DIP2C: variants seen among roughly 807,000 people sequenced by gnomAD.
DIP2C encodes the protein disco-interacting protein 2 homolog C.
Under a neutral mutation model 192.4 loss-of-function variants are expected in DIP2C, and 33 were observed. That is an observed-to-expected ratio of 0.17 (90% CI 0.13 to 0.23). The LOEUF (loss-of-function observed/expected upper bound fraction) is 0.23, where lower values mean the gene tolerates loss of function less well. DIP2C is among the 10% of genes least tolerant of loss of function. The pLI is 1.00. For synonymous variants in DIP2C, 979 were observed against 864.1 expected, an observed-to-expected ratio of 1.13 and a Z score of -2.33; for missense variants, 1,537 against 2,110.1, an observed-to-expected ratio of 0.73 and a Z score of 5.32.
At position 384,019 on chromosome 10, in the gene DIP2C, T is replaced by TCA; in HGVS notation, c.1876+6_1876+7dup. 1 of 1,542,530 alleles carries TCA rather than the reference T, an allele frequency of 6.5e-7. No homozygotes were observed. ...CCTGCCTCACGAGATCACACGCTCC[T>TCA]CACTTACAGGGGTTCGCGCCGTCCG... On this transcript the variant is annotated splice_region_variant and intron_variant, in intron 16 of 36. Coordinates refer to ENST00000280886, the MANE Select transcript of DIP2C (RefSeq NM_014974.3).
At chr10:584,992 CAGAT>C (rs1162235545) in intron 1 of DIP2C, among the ~76,000 whole-genome samples, 13 of 143,280 alleles carry the variant, frequency 9.1e-5, no homozygotes, top group Middle Eastern at 3.8e-3. Flanking sequence ...CATCACCTCT[CAGAT>C]AATCTCGGGG....
intron 4 of DIP2C, chr10:437,992 C>T (rs1389127008): frequency 6.6e-6 from 1 of 152,110 alleles, no homozygotes; most frequent in African/African-American, 2.4e-5. Flanking sequence ...CACAAAATAG[C>T]TGGGAGTAAA....
chr10:556,613 C>CA (rs990837106), intron 1 of DIP2C, among the ~76,000 whole-genome samples: 3 of 151,730 alleles, frequency 2.0e-5, no homozygotes, highest in African/African-American at 7.3e-5. Flanking sequence ...ACACATGAAA[C>CA]AAACCCCTTT....
chr10:335,564 T>G (rs1331169822), intron 29 of DIP2C, among the ~76,000 whole-genome samples: 1 of 152,248 alleles, frequency 6.6e-6, no homozygotes, highest in African/African-American at 2.4e-5. Flanking sequence ...GACACCAGGC[T>G]TTGGGAAGAT....
At chr10:654,529 T>C (rs952239958) in intron 1 of DIP2C, among the ~76,000 whole-genome samples, 4 of 152,242 alleles carry the variant, frequency 2.6e-5, no homozygotes, top group Non-Finnish European at 4.4e-5. Context: ...GGCTCTGCCA[T>C]GTGCCAGGCA....
intron 17 of DIP2C, among the ~76,000 whole-genome samples, chr10:371,879 G>A (rs549728506): frequency 1.3e-5 from 2 of 152,190 alleles, no homozygotes; most frequent in Non-Finnish European, 2.9e-5. Flanking sequence ...TTTGTTACGA[G>A]AGCCGGAATA....
chr10:490,628 T>C (rs1297344884), intron 1 of DIP2C, among the ~76,000 whole-genome samples: 1 of 152,238 alleles, frequency 6.6e-6, no homozygotes, highest in East Asian at 1.9e-4. Flanking sequence ...AACAGCATAT[T>C]TTCCTGCTTC....
chr10:593,175 A>G (rs1486752827), intron 1 of DIP2C, among the ~76,000 whole-genome samples: 3 of 151,740 alleles, frequency 2.0e-5, no homozygotes, highest in Non-Finnish European at 4.4e-5. Flanking sequence ...TGCAGGACCA[A>G]CCCCAGGACA....
rs377481170 is a variant in DIP2C at position 525,473 on chromosome 10, G to A, written c.86-38943C>T. Among the ~76,000 whole-genome samples, 23 of 152,252 alleles carry A rather than the reference G, an allele frequency of 1.5e-4. 2 individuals carry two copies. The highest frequency in any genetic ancestry group is 5.2e-4 in the Admixed American group (8 of 15,294). On this transcript the variant is annotated intron_variant, in intron 1 of 36. Transcript: ENST00000280886. ...TTAGTAAAACAACAGCAAAGTCTAC[G>A]GCACTTCTCATACAGAACAAATACA...
At position 356,027 on chromosome 10, in the gene DIP2C, C is replaced by T. The variant is rs902068467; in HGVS notation, c.2985+399G>A. Among the ~76,000 whole-genome samples, 5 of 152,288 alleles carry T rather than the reference C, an allele frequency of 3.3e-5. No individual in the cohort carries two copies. In the South Asian group the frequency reaches 1.0e-3, roughly 32 times the overall value. On this transcript the variant is annotated intron_variant, in intron 24 of 36. Transcript: ENST00000280886. Reference sequence around the variant, plus strand: ...CCAGGGAGGTGGAGGTTGCAGTGAGCGGAGATCGTGCCACTGAACTCTAGC... The same window carrying T: ...CCAGGGAGGTGGAGGTTGCAGTGAGTGGAGATCGTGCCACTGAACTCTAGC...
At chr10:433,470 A>G (rs1222468631) in intron 4 of DIP2C, among the ~76,000 whole-genome samples, 1 of 152,078 alleles carries the variant, frequency 6.6e-6, no homozygotes, top group Non-Finnish European at 1.5e-5. Flanking sequence ...TGAGGTCAGG[A>G]GTTCAAGACT....
chr10:393,580 C>T (rs1232769788), intron 10 of DIP2C, among the ~76,000 whole-genome samples: 2 of 152,052 alleles, frequency 1.3e-5, no homozygotes, highest in Non-Finnish European at 2.9e-5. Context: ...GAGTTCAAGA[C>T]CAGCCTGGCC....
At position 413,782 on chromosome 10, in the gene DIP2C, G is replaced by A. The variant is rs369784407; in HGVS notation, c.1057+131C>T. ...CGTTCGGGAGTGGCTGCGCGAGGGC[G>A]TGGGCAAAGGGCAGAGGGTTAGCCT... On this transcript the variant is annotated intron_variant, in intron 8 of 36. Transcript: ENST00000280886. 41 of 1,166,572 alleles carry A rather than the reference G, an allele frequency of 3.5e-5. 1 individual carries two copies. The highest frequency in any genetic ancestry group is 3.0e-4 in the Middle Eastern group (1 of 3,346). The allele number at this position is 1,166,572 out of a possible 1,614,324, so 72.3% of individuals were successfully genotyped here. A position where few individuals can be genotyped will look rare whatever the true frequency, so the allele number is the denominator to read the frequency against.
At chr10:288,751 T>G (rs374874521) in intron 32 of DIP2C, among the ~76,000 whole-genome samples, 1 of 152,214 alleles carries the variant, frequency 6.6e-6, no homozygotes, top group African/African-American at 2.4e-5. Context: ...TTGAAAGAGC[T>G]GCGGGTCACC....
At chr10:479,536 A>AT in intron 2 of DIP2C, among the ~76,000 whole-genome samples, 1 of 152,004 alleles carries the variant, frequency 6.6e-6, no homozygotes, top group African/African-American at 2.4e-5. Context: ...GGGTTTCAAC[A>AT]TGTTAGCCAG....
intron 31 of DIP2C, chr10:325,132 G>A: frequency 5.7e-6 from 2 of 349,696 alleles, no homozygotes; most frequent in Non-Finnish European, 1.1e-5. Context: ...GCGCTTGGTG[G>A]CGAGCACCTG....
chr10:660,300 T>C (rs557804855), intron 1 of DIP2C, among the ~76,000 whole-genome samples: 41 of 151,420 alleles, frequency 2.7e-4, no homozygotes, highest in South Asian at 8.4e-4. Flanking sequence ...AAACAGAGAT[T>C]CTAGCCCTTG....
chr10:449,920 C>CAACAACAAAAAAAAAAAAAAAAA (rs1408389732), intron 3 of DIP2C, among the ~76,000 whole-genome samples: 1 of 135,912 alleles, frequency 7.4e-6, no homozygotes, highest in African/African-American at 3.0e-5. Context: ...TCAACAACAA[C>CAACAACAAAAAAAAAAAAAAAAA]AAAAAAAAAA....
At chr10:375,099 CAAAAT>C (rs756401577) in intron 17 of DIP2C, among the ~76,000 whole-genome samples, 3 of 152,202 alleles carry the variant, frequency 2.0e-5, no homozygotes, top group South Asian at 2.1e-4. Flanking sequence ...AAAAGGGAAA[CAAAAT>C]AAAACTAAAG....
Sources: allele counts gnomAD v4.1 joint callset (sites outside exome capture counted in the v4.1 genomes callset), GRCh38; gene constraint gnomAD v4.1.1; transcripts MANE v1.5; gene names NCBI Gene and HGNC (gene_info 2026-07-23, HGNC 2026-07-21).